JAM3: variants seen among roughly 807,000 people sequenced by gnomAD.
The protein encoded by JAM3 is junctional adhesion molecule C.
Under a neutral mutation model 39.4 loss-of-function variants are expected in JAM3, and 31 were observed. The ratio of observed to expected loss-of-function variants is 0.79; its 90% confidence interval spans 0.59 to 1.06. The LOEUF is 1.06. Ranked by LOEUF, JAM3 falls within the 50% of genes least tolerant of loss-of-function variation. The pLI, the probability that JAM3 is intolerant of heterozygous loss-of-function variation, is 0.00. For synonymous variants in JAM3, 182 were observed against 148.7 expected (o/e 1.22, Z -1.63); for missense variants, 455 against 391.4 (o/e 1.16, Z -1.37).
intron 6 of JAM3, 149 bp from the exon 7 acceptor site, chr11:134,148,396 TTG>T (rs1943118506): frequency 2.4e-6 from 2 of 834,906 alleles, no homozygotes; most frequent in African/African-American, 3.3e-5. Context: ...GCTAGAAGGA[TTG>T]TAAGTGTTCT....
intron 6 of JAM3, among the ~76,000 whole-genome samples, chr11:134,147,525 C>T (rs1036217050): frequency 2.7e-5 from 4 of 149,946 alleles, no homozygotes; most frequent in Admixed American, 6.6e-5. Context: ...CTCGCTCTGT[C>T]ACCCAGGCTG....
intron 8 of JAM3, 28 bp downstream of exon 8, chr11:134,148,846 A>C (rs1943129921): frequency 4.3e-6 from 7 of 1,609,812 alleles, no homozygotes; most frequent in Non-Finnish European, 6.0e-6. Context: ...CTGGAAACCT[A>C]GGTGTACCCA....
At chr11:134,104,028 T>C (rs189433186) in intron 1 of JAM3, among the ~76,000 whole-genome samples, 3,743 of 152,174 alleles carry the variant, frequency 0.025, 160 homozygotes, top group African/African-American at 0.085. Flanking sequence ...TCTACAGAAC[T>C]CTCCACCCCA....
intron 1 of JAM3, among the ~76,000 whole-genome samples, chr11:134,138,676 C>T (rs1020400623): frequency 1.3e-5 from 2 of 152,168 alleles, no homozygotes; most frequent in Non-Finnish European, 2.9e-5. Flanking sequence ...CCATGGTTAT[C>T]CAAACAAAAT....
chr11:134,131,259 A>T lies in JAM3; in HGVS notation c.77-8592A>T, dbSNP rs376118934. ...GGGGGGGCGGGGGGGTGGTTGTTGT[A>T]GTGTTTGTTTATTTCAGCTTTTGGC... is the stretch of plus-strand genomic sequence containing the variant. On this transcript the variant is annotated intron_variant, in intron 1 of 8. Coordinates refer to ENST00000299106, the MANE Select transcript of JAM3 (RefSeq NM_032801.5). 3.3e-5 allele frequency among the ~76,000 whole-genome samples: 5 copies of T among 151,830 alleles called. No individual in the cohort carries two copies. The East Asian group carries it at 7.8e-4, about 24-fold the overall frequency.
In JAM3 at chr11:134,144,229, T is replaced by C. The variant is rs1943028191; in HGVS notation, c.257-12T>C. 1 of 1,614,052 alleles carries C rather than the reference T, an allele frequency of 6.2e-7. No homozygotes were observed. The highest frequency in any genetic ancestry group is 8.5e-7 in the Non-Finnish European group (1 of 1,180,026). On this transcript the variant is annotated splice_polypyrimidine_tract_variant and intron_variant, in intron 3 of 8. Transcript: ENST00000299106. ...TAAAGAAGTTTTTTAGTGCCTCGTG[T>C]CTTTTCTGTAGGAGACTTGGCGGGT...
chr11:134,144,516 A>G, intron 4 of JAM3, 123 bp downstream of exon 4: 1 of 1,218,490 alleles, frequency 8.2e-7, no homozygotes, highest in Admixed American at 1.7e-5. Flanking sequence ...GGAGGGGAGA[A>G]CTGTTGAGAG....
chr11:134,089,929 T>C (rs906685909), intron 1 of JAM3, among the ~76,000 whole-genome samples: 3 of 152,204 alleles, frequency 2.0e-5, no homozygotes, highest in African/African-American at 7.2e-5. Flanking sequence ...CCACCAACAG[T>C]GTAAAAATGT....
intron 1 of JAM3, among the ~76,000 whole-genome samples, chr11:134,130,741 C>T (rs1942754385): frequency 6.6e-6 from 1 of 152,226 alleles, no homozygotes; most frequent in Admixed American, 6.5e-5. Context: ...AACAGCTATT[C>T]CGCAGCTTTC....
chr11:134,112,324 G>T (rs911417493), intron 1 of JAM3, among the ~76,000 whole-genome samples: 1 of 152,028 alleles, frequency 6.6e-6, no homozygotes, highest in Admixed American at 6.6e-5. Context: ...CTGACCTCAG[G>T]TGATCCACCT....
chr11:134,099,819 C>T (rs968881456), intron 1 of JAM3, among the ~76,000 whole-genome samples: 1 of 152,134 alleles, frequency 6.6e-6, no homozygotes, highest in African/African-American at 2.4e-5. Context: ...GTTGGTCAGG[C>T]TGGTCTCGAA....
chr11:134,137,561 G>A (rs947341646), intron 1 of JAM3, among the ~76,000 whole-genome samples: 11 of 152,174 alleles, frequency 7.2e-5, no homozygotes, highest in Admixed American at 2.0e-4. Flanking sequence ...CTGATCTCTG[G>A]TCATAGTCCC....
chr11:134,141,972 C>T (rs1421660062), intron 3 of JAM3, among the ~76,000 whole-genome samples: 1 of 151,826 alleles, frequency 6.6e-6, no homozygotes, highest in African/African-American at 2.4e-5. Flanking sequence ...GCCTGAGTCT[C>T]CTCAAAAGAG....
intron 1 of JAM3, among the ~76,000 whole-genome samples, chr11:134,130,008 A>G (rs377386937): frequency 6.6e-6 from 1 of 152,088 alleles, no homozygotes; most frequent in Non-Finnish European, 1.5e-5. Context: ...TCTCCAAAAA[A>G]AAAAGTCAGT....
intron 1 of JAM3, among the ~76,000 whole-genome samples, chr11:134,134,490 A>G (rs1034085055): frequency 6.6e-6 from 1 of 151,808 alleles, no homozygotes; most frequent in Non-Finnish European, 1.5e-5. Flanking sequence ...GACAGAGGGG[A>G]AAAGTACCTT....
chr11:134,133,646 C>T (rs560737263), intron 1 of JAM3, among the ~76,000 whole-genome samples: 15 of 152,218 alleles, frequency 9.9e-5, no homozygotes, highest in African/African-American at 3.6e-4. Flanking sequence ...TTAACTCCAG[C>T]CGCCTCTAGT....
At chr11:134,134,312 A>G (rs1942820870) in intron 1 of JAM3, among the ~76,000 whole-genome samples, 1 of 149,860 alleles carries the variant, frequency 6.7e-6, no homozygotes, top group South Asian at 2.1e-4. Flanking sequence ...ATTTGAAGCA[A>G]TTATGACTGA....
intron 1 of JAM3, among the ~76,000 whole-genome samples, chr11:134,085,777 A>G (rs1335110715): frequency 1.3e-5 from 2 of 152,210 alleles, no homozygotes; most frequent in Non-Finnish European, 2.9e-5. Context: ...TTGGAACATC[A>G]TATACATACA....
chr11:134,148,060 C>G (rs1277697712), intron 6 of JAM3: 1 of 210,960 alleles, frequency 4.7e-6, no homozygotes, highest in African/African-American at 2.3e-5. Flanking sequence ...AGACAAAGCT[C>G]TAGTTCTTAC....
Sources: gnomAD v4.1 joint callset for allele counts (sites outside exome capture counted in the v4.1 genomes callset) on GRCh38, gnomAD v4.1.1 for gene constraint, MANE v1.5 for transcripts, NCBI Gene and HGNC (gene_info 2026-07-23, HGNC 2026-07-21) for gene names.